ATXN1: variants seen among roughly 807,000 people sequenced by gnomAD.
The protein encoded by ATXN1 is ataxin-1.
Under a neutral mutation model 56.4 loss-of-function variants are expected in ATXN1, and 8 were observed. The observed-to-expected ratio is 0.14, with a 90% CI of 0.08 to 0.26. ATXN1 has a LOEUF of 0.26. Ranked by LOEUF, ATXN1 falls within the 10% of genes least tolerant of loss-of-function variation. ATXN1 has a pLI of 1.00. For synonymous variants in ATXN1, 514 were observed against 494.6 expected (o/e 1.04, Z -0.52); for missense variants, 987 against 1,106.5 (o/e 0.89, Z 1.53).
At chr6:16,442,356 A>G (rs1759535556) in intron 6 of ATXN1, among the ~76,000 whole-genome samples, 1 of 152,220 alleles carries the variant, frequency 6.6e-6, no homozygotes, top group South Asian at 2.1e-4. Flanking sequence ...TGATACAAAG[A>G]CTGGGTGAGC....
chr6:16,420,546 A>G (rs1759010946), intron 6 of ATXN1, among the ~76,000 whole-genome samples: 1 of 152,236 alleles, frequency 6.6e-6, no homozygotes, highest in Non-Finnish European at 1.5e-5. Flanking sequence ...GCAGATGTAT[A>G]TAAATGATCA....
chr6:16,566,792 GT>G (rs1762231028), intron 4 of ATXN1, among the ~76,000 whole-genome samples: 1 of 151,630 alleles, frequency 6.6e-6, no homozygotes, highest in Admixed American at 6.6e-5. Flanking sequence ...GGAGGCAAAG[GT>G]TGCAGTGAGC....
chr6:16,450,827 A>G (rs1759737783), intron 6 of ATXN1, among the ~76,000 whole-genome samples: 1 of 152,178 alleles, frequency 6.6e-6, no homozygotes, highest in African/African-American at 2.4e-5. Flanking sequence ...CCTAAACATC[A>G]TGGAGAGGTC....
At chr6:16,609,947 A>AT (rs971110348) in intron 3 of ATXN1, among the ~76,000 whole-genome samples, 2 of 151,944 alleles carry the variant, frequency 1.3e-5, no homozygotes, top group African/African-American at 4.8e-5. Flanking sequence ...AAAAATTAGG[A>AT]TTTTTTTTCA....
Position 16,477,074 on chromosome 6 carries a change from C to T in ATXN1, c.-161+8898G>A, listed in dbSNP as rs181419661. 9.2e-5 allele frequency among the ~76,000 whole-genome samples: 14 copies of T among 151,890 alleles called. No homozygotes were observed. In the East Asian group the frequency reaches 2.1e-3, roughly 23 times the overall value. ...TCCTGTCATCTGTGGGTCTTCAATG[C>T]TCTGGGGACACCCTTTCATCAGTCT... On this transcript the variant is annotated intron_variant, in intron 6 of 7. Transcript: ENST00000436367.
chr6:16,536,899 A>T (rs531575250), intron 4 of ATXN1, among the ~76,000 whole-genome samples: 5 of 152,216 alleles, frequency 3.3e-5, no homozygotes, highest in Admixed American at 6.5e-5. Flanking sequence ...ATGGTCAAAG[A>T]TACATCATTA....
intron 7 of ATXN1, among the ~76,000 whole-genome samples, chr6:16,313,809 G>A (rs532961705): frequency 1.4e-4 from 22 of 152,190 alleles, no homozygotes; most frequent in South Asian, 2.1e-4. Context: ...CGATCTGCCC[G>A]CCACAGCCTC....
chr6:16,323,846 C>A (rs1760741567), intron 7 of ATXN1, among the ~76,000 whole-genome samples: 2 of 152,224 alleles, frequency 1.3e-5, no homozygotes, highest in Admixed American at 6.5e-5. Context: ...CTAGTACCCA[C>A]CCCTAATTCA....
At chr6:16,387,580 T>C (rs1561876372) in intron 6 of ATXN1, among the ~76,000 whole-genome samples, 3 of 152,114 alleles carry the variant, frequency 2.0e-5, no homozygotes, top group African/African-American at 7.2e-5. Context: ...GAAACATTGT[T>C]GGGATGAGTA....
chr6:16,583,082 G>C (rs949939367), intron 4 of ATXN1, among the ~76,000 whole-genome samples: 2 of 152,082 alleles, frequency 1.3e-5, no homozygotes, highest in Admixed American at 6.6e-5. Context: ...TCCAAGTTTT[G>C]TTTTCTTATT....
At chr6:16,372,406 G>A (rs1004332646) in intron 6 of ATXN1, among the ~76,000 whole-genome samples, 7 of 152,206 alleles carry the variant, frequency 4.6e-5, no homozygotes, top group African/African-American at 1.7e-4. Context: ...GGTGAGCTGT[G>A]GAGAAACTGC....
chr6:16,689,521 C>CTTTTTTTTTTTTT (rs11374047), intron 2 of ATXN1, among the ~76,000 whole-genome samples: 34 of 105,224 alleles, frequency 3.2e-4, no homozygotes, highest in Admixed American at 6.4e-4. Context: ...TTTTTTTTTT[C>CTTTTTTTTTTTTT]TTTTTTTTTT....
At chr6:16,505,166 G>C (rs1760959719) in intron 5 of ATXN1, among the ~76,000 whole-genome samples, 1 of 152,060 alleles carries the variant, frequency 6.6e-6, no homozygotes, top group African/African-American at 2.4e-5. Context: ...CTCAGCTGTG[G>C]TCAGCTGGAC....
At chr6:16,738,564 G>A (rs1760218196) in intron 2 of ATXN1, 1 of 152,030 alleles carries the variant, frequency 6.6e-6, no homozygotes, top group Admixed American at 6.5e-5. Context: ...GTGTGTATTG[G>A]CAAAAGACTA....
intron 4 of ATXN1, among the ~76,000 whole-genome samples, chr6:16,535,075 C>T (rs1761572323): frequency 6.6e-6 from 1 of 152,192 alleles, no homozygotes; most frequent in African/African-American, 2.4e-5. Context: ...TCTAGTCTGC[C>T]ACAGTGAGCT....
chr6:16,607,636 C>A (rs1219899870), intron 3 of ATXN1, among the ~76,000 whole-genome samples: 2 of 152,196 alleles, frequency 1.3e-5, no homozygotes, highest in African/African-American at 4.8e-5. Flanking sequence ...TCTCTCTAGG[C>A]AACCATGGTC....
At chr6:16,748,461 G>A (rs949603518) in intron 2 of ATXN1, among the ~76,000 whole-genome samples, 2 of 152,126 alleles carry the variant, frequency 1.3e-5, no homozygotes, top group East Asian at 1.9e-4. Flanking sequence ...ATCCAAGCAC[G>A]ATTCTATCAC....
At position 16,404,757 on chromosome 6, in the gene ATXN1, A is replaced by G. The variant is rs556312482; in HGVS notation, c.-160-76287T>C. On this transcript the variant is annotated intron_variant, in intron 6 of 7. Transcript: ENST00000436367. ...TAGTTTTCTGGGTCATTTCCTGTGA[A>G]ATGTCACTGTTCCCTCTTTAGTGGC... Among the ~76,000 whole-genome samples, 9 of 152,032 alleles carry G rather than the reference A, an allele frequency of 5.9e-5. No individual in the cohort carries two copies. The East Asian group carries it at 1.7e-3, about 29-fold the overall frequency.
In ATXN1 at chr6:16,584,237, TATATATACAC is replaced by T. The variant is rs201718761; in HGVS notation, c.-361+1533_-361+1542del. Among the ~76,000 whole-genome samples, 614 of 129,224 alleles carry T rather than the reference TATATATACAC, an allele frequency of 4.8e-3. 16 individuals are homozygous for T. Among genetic ancestry groups the T allele is most frequent in the Admixed American group, 0.035 (441 of 12,778 alleles). 84.8% of individuals were successfully genotyped at this position (129,224 alleles called of 152,430 possible). On this transcript the variant is annotated intron_variant, in intron 4 of 7. Transcript: ENST00000436367. ...CCGATATTGGACATATATATATATA[TATATATACAC>T]ACACACACACACACACACACACACA...
Sources: allele counts gnomAD v4.1 joint callset (sites outside exome capture counted in the v4.1 genomes callset), GRCh38; gene constraint gnomAD v4.1.1; transcripts MANE v1.5; gene names NCBI Gene and HGNC (gene_info 2026-07-23, HGNC 2026-07-21).